The following NAALADL2 variants were observed in gnomAD, a reference collection of about 807,000 sequenced individuals.
The protein encoded by NAALADL2 is inactive N-acetylated-alpha-linked acidic dipeptidase-like protein 2.
NAALADL2 carries 76 observed loss-of-function variants against 87.2 expected under a neutral mutation model. The observed-to-expected ratio is 0.87, with a 90% CI of 0.72 to 1.05. The LOEUF is 1.05. Ranked by LOEUF, NAALADL2 falls within the 50% of genes least tolerant of loss-of-function variation. The pLI, the probability that NAALADL2 is intolerant of heterozygous loss-of-function variation, is 0.00. For synonymous variants in NAALADL2, 354 were observed against 331.0 expected (o/e 1.07, Z -0.75); for missense variants, 1,089 against 945.8 (o/e 1.15, Z -1.99).
At chr3:174,714,249 T>A (rs2108927517) in intron 2 of NAALADL2, among the ~76,000 whole-genome samples, 1 of 152,318 alleles carries the variant, frequency 6.6e-6, no homozygotes, top group East Asian at 1.9e-4. Flanking sequence ...CCCCTAGCTT[T>A]GTTCTTTTGG....
chr3:175,370,882 G>A (rs980750805), intron 5 of NAALADL2, among the ~76,000 whole-genome samples: 10 of 152,158 alleles, frequency 6.6e-5, no homozygotes, highest in African/African-American at 2.2e-4. Context: ...AGAAAGGCTG[G>A]CAGCTCTTGA....
intron 2 of NAALADL2, among the ~76,000 whole-genome samples, chr3:174,562,456 A>G (rs1713741243): frequency 6.6e-6 from 1 of 152,184 alleles, no homozygotes. Flanking sequence ...AAAATAAGAA[A>G]AATTTTTTTG....
chr3:175,640,112 G>T (rs1478310234), intron 11 of NAALADL2, among the ~76,000 whole-genome samples: 1 of 152,040 alleles, frequency 6.6e-6, no homozygotes, highest in South Asian at 2.1e-4. Flanking sequence ...AACAAAGAAA[G>T]GTTATTGCTT....
chr3:174,494,621 T>TA (rs71162392), intron 1 of NAALADL2, among the ~76,000 whole-genome samples: 45,254 of 148,218 alleles, frequency 0.31, 7,050 homozygotes, highest in South Asian at 0.46. Flanking sequence ...CTTAAAGTAT[T>TA]AAAAAAAAAA....
intron 1 of NAALADL2, among the ~76,000 whole-genome samples, chr3:174,476,997 T>C (rs1442949909): frequency 1.3e-5 from 2 of 151,912 alleles, no homozygotes; most frequent in African/African-American, 4.8e-5. Flanking sequence ...TGACCCCTAA[T>C]GACTTGTAAT....
chr3:175,164,969 C>T (rs953603347), intron 2 of NAALADL2, among the ~76,000 whole-genome samples: 30 of 152,122 alleles, frequency 2.0e-4, no homozygotes, highest in Non-Finnish European at 2.9e-5. Flanking sequence ...TATTTTCTGC[C>T]GCACCCCTTG....
At chr3:175,072,913 A>G (rs1395902866) in intron 1 of NAALADL2, among the ~76,000 whole-genome samples, 1 of 152,040 alleles carries the variant, frequency 6.6e-6, no homozygotes, top group Non-Finnish European at 1.5e-5. Flanking sequence ...CTGCTTTTTT[A>G]TAAATGATTG....
At chr3:174,876,145 C>G (rs1728478231) in intron 1 of NAALADL2, among the ~76,000 whole-genome samples, 2 of 152,036 alleles carry the variant, frequency 1.3e-5, no homozygotes, top group South Asian at 4.1e-4. Context: ...ACTTTAGCAG[C>G]ATAATACATT....
intron 3 of NAALADL2, among the ~76,000 whole-genome samples, chr3:174,840,604 TTGC>T (rs1174745301): frequency 2.0e-5 from 3 of 152,174 alleles, no homozygotes; most frequent in African/African-American, 7.2e-5. Context: ...GAGCTCCTCA[TTGC>T]CCAAGGGAGT....
chr3:174,742,286 A>G (rs574288777), intron 3 of NAALADL2, among the ~76,000 whole-genome samples: 1 of 151,840 alleles, frequency 6.6e-6, no homozygotes, highest in East Asian at 1.9e-4. Flanking sequence ...TTCACTGTCT[A>G]GTGGGGGATA....
At chr3:174,653,347 C>G (rs955168746) in intron 2 of NAALADL2, among the ~76,000 whole-genome samples, 27 of 152,012 alleles carry the variant, frequency 1.8e-4, no homozygotes, top group African/African-American at 6.0e-4. Flanking sequence ...TAAACAAGTG[C>G]TTCTTTTTTT....
chr3:174,835,218 A>T (rs1723189216), intron 3 of NAALADL2, among the ~76,000 whole-genome samples: 1 of 152,144 alleles, frequency 6.6e-6, no homozygotes, highest in African/African-American at 2.4e-5. Flanking sequence ...GGATATCCAC[A>T]TGGAAAGAAA....
intron 2 of NAALADL2, among the ~76,000 whole-genome samples, chr3:174,701,325 A>G (rs1729536453): frequency 6.6e-6 from 1 of 151,884 alleles, no homozygotes; most frequent in South Asian, 2.1e-4. Context: ...GATGCCAGAG[A>G]AGGGAAGGGG....
At chr3:174,848,563 A>G (rs1297989715) in intron 3 of NAALADL2, among the ~76,000 whole-genome samples, 1 of 152,202 alleles carries the variant, frequency 6.6e-6, no homozygotes, top group Admixed American at 6.5e-5. Context: ...AAATGCATAT[A>G]GAGGACTCAC....
chr3:174,660,673 TTAAA>T (rs1339980230), intron 2 of NAALADL2, among the ~76,000 whole-genome samples: 1 of 152,156 alleles, frequency 6.6e-6, no homozygotes, highest in African/African-American at 2.4e-5. Context: ...TAAATTTATC[TTAAA>T]TGAATAGTAA....
intron 1 of NAALADL2, among the ~76,000 whole-genome samples, chr3:174,499,033 CT>C (rs1228977385): frequency 1.3e-5 from 2 of 151,880 alleles, no homozygotes; most frequent in Non-Finnish European, 2.9e-5. Context: ...TACAATTAAT[CT>C]TTTTTATGTT....
rs1207771732 is a variant in NAALADL2, at chr3:175,334,988, G to A, written c.1090+10663G>A. 2.0e-5 allele frequency among the ~76,000 whole-genome samples: 3 copies of A among 152,122 alleles called. No individual in the cohort carries two copies. In the East Asian group the frequency reaches 5.8e-4, roughly 29 times the overall value. On this transcript the variant is annotated intron_variant, in intron 5 of 13. Coordinates refer to ENST00000454872, the MANE Select transcript of NAALADL2 (RefSeq NM_207015.3). ...ACGTTGTGCCGTTGTGTGAAGACTG[G>A]ATGACTGAGGCAAACCCTGAAAATC...
At chr3:175,786,267 G>T (rs1454447051) in intron 13 of NAALADL2, among the ~76,000 whole-genome samples, 1 of 152,178 alleles carries the variant, frequency 6.6e-6, no homozygotes, top group African/African-American at 2.4e-5. Flanking sequence ...GATTGGGGAA[G>T]TTCTCCTGGA....
chr3:175,694,719 A>T (rs1301315694), intron 11 of NAALADL2, among the ~76,000 whole-genome samples: 1 of 152,130 alleles, frequency 6.6e-6, no homozygotes, highest in Non-Finnish European at 1.5e-5. Context: ...ACAAAAAGTA[A>T]AATTCTGACT....
Sources: allele counts gnomAD v4.1 joint callset (sites outside exome capture counted in the v4.1 genomes callset), GRCh38; gene constraint gnomAD v4.1.1; transcripts MANE v1.5; gene names NCBI Gene and HGNC (gene_info 2026-07-23, HGNC 2026-07-21).